The following PDSS2 variants were observed in gnomAD, a reference collection of about 807,000 sequenced individuals.
The protein encoded by PDSS2 is decaprenyl diphosphate synthase subunit 2.
In PDSS2, 31 loss-of-function variants were observed where a neutral mutation model predicts 44.5. The observed-to-expected ratio is 0.70, with a 90% CI of 0.52 to 0.94. PDSS2 has a LOEUF of 0.94. Among genes scored for constraint, PDSS2 ranks in the 40% least tolerant of loss-of-function variants. The pLI is 0.00. For missense variants in PDSS2, 452 were observed against 482.2 expected, an observed-to-expected ratio of 0.94 and a Z score of 0.59; for synonymous variants, 157 against 180.3, an observed-to-expected ratio of 0.87 and a Z score of 1.03.
intron 1 of PDSS2, among the ~76,000 whole-genome samples, chr6:107,403,951 G>A (rs1352513792): frequency 5.3e-5 from 8 of 152,188 alleles, no homozygotes; most frequent in Non-Finnish European, 8.8e-5. Flanking sequence ...CCAAATTTCT[G>A]CTATGGGCTT....
intron 2 of PDSS2, among the ~76,000 whole-genome samples, chr6:107,274,855 T>C (rs1357087423): frequency 6.6e-6 from 1 of 151,894 alleles, no homozygotes; most frequent in Non-Finnish European, 1.5e-5. Flanking sequence ...GTATTTTTGG[T>C]AGAGATGGGG....
chr6:107,190,774 G>T (rs1036311703), intron 7 of PDSS2, among the ~76,000 whole-genome samples: 1 of 152,180 alleles, frequency 6.6e-6, no homozygotes, highest in African/African-American at 2.4e-5. Context: ...ATGAAACTTG[G>T]TGCTGCTGCA....
In PDSS2 at chr6:107,271,931, G is replaced by A. The variant is rs546078889; in HGVS notation, c.630+2098C>T. The stretch of plus-strand genomic sequence containing the variant: ...TACAAAAAATTAGCCAGGTATGGCT[G>A]TATGCACCTGTGGTCCCAGCTACTT... On this transcript the variant is annotated intron_variant, in intron 3 of 7. Coordinates refer to ENST00000369037, the MANE Select transcript of PDSS2 (RefSeq NM_020381.4). Among the ~76,000 whole-genome samples the A allele has an allele frequency of 2.6e-5, 4 of 152,154 alleles. 1 individual carries two copies. The highest frequency in any genetic ancestry group is 9.6e-5 in the African/African-American group (4 of 41,526).
chr6:107,429,729 A>G (rs1158914925), intron 1 of PDSS2, among the ~76,000 whole-genome samples: 2 of 151,204 alleles, frequency 1.3e-5, no homozygotes, highest in African/African-American at 4.9e-5. Flanking sequence ...TACTAAAAAT[A>G]CAAAATTAGC....
intron 7 of PDSS2, among the ~76,000 whole-genome samples, chr6:107,185,319 G>C (rs942728998): frequency 6.6e-6 from 1 of 152,032 alleles, no homozygotes; most frequent in East Asian, 1.9e-4. Flanking sequence ...CAGAAGGCAG[G>C]CTCTACAATG....
At chr6:107,241,382 C>T (rs1582834138) in intron 4 of PDSS2, among the ~76,000 whole-genome samples, 1 of 113,764 alleles carries the variant, frequency 8.8e-6, no homozygotes, top group South Asian at 3.4e-4. Context: ...GAGCCTCGCT[C>T]TGTCCCCAGG....
At chr6:107,187,454 C>T (rs1482261191) in intron 7 of PDSS2, among the ~76,000 whole-genome samples, 3 of 152,036 alleles carry the variant, frequency 2.0e-5, no homozygotes, top group South Asian at 2.1e-4. Context: ...CACCTGAGGT[C>T]GGGAGTTTGA....
intron 7 of PDSS2, among the ~76,000 whole-genome samples, chr6:107,156,986 G>C (rs1770922960): frequency 6.6e-6 from 1 of 152,022 alleles, no homozygotes; most frequent in South Asian, 2.1e-4. Flanking sequence ...TTCCTAAAGA[G>C]TCTTCCCACC....
intron 1 of PDSS2, among the ~76,000 whole-genome samples, chr6:107,441,477 A>G (rs1056969273): frequency 2.2e-4 from 34 of 152,190 alleles, no homozygotes; most frequent in African/African-American, 7.0e-4. Flanking sequence ...TGCACTACAT[A>G]TAAGTGTGAT....
intron 1 of PDSS2, among the ~76,000 whole-genome samples, chr6:107,365,877 T>C (rs1202031809): frequency 6.6e-6 from 1 of 152,018 alleles, no homozygotes; most frequent in Non-Finnish European, 1.5e-5. Flanking sequence ...TACCTAACAA[T>C]AGAGACCCCA....
At chr6:107,196,100 A>C (rs543793669) in intron 6 of PDSS2, among the ~76,000 whole-genome samples, 21 of 152,364 alleles carry the variant, frequency 1.4e-4, no homozygotes, top group African/African-American at 4.3e-4. Context: ...GCATTGTACC[A>C]ACAGGAATAT....
intron 4 of PDSS2, among the ~76,000 whole-genome samples, chr6:107,225,447 G>A (rs560808440): frequency 2.0e-4 from 30 of 151,572 alleles, no homozygotes; most frequent in Non-Finnish European, 3.5e-4. Context: ...CACCATGCCT[G>A]GCCTTCTTCA....
At chr6:107,402,747 A>G (rs950218882) in intron 1 of PDSS2, among the ~76,000 whole-genome samples, 5 of 151,444 alleles carry the variant, frequency 3.3e-5, no homozygotes, top group African/African-American at 1.2e-4. Context: ...TTATAGAACT[A>G]TAAACTAGAA....
At chr6:107,394,802 GTTTT>G (rs904464420) in intron 1 of PDSS2, among the ~76,000 whole-genome samples, 6 of 152,092 alleles carry the variant, frequency 3.9e-5, no homozygotes, top group Non-Finnish European at 5.9e-5. Flanking sequence ...ATATTGCTGG[GTTTT>G]TTTGTTTTAA....
In PDSS2 at chr6:107,459,124, T is replaced by C. The variant is rs142424178; in HGVS notation, c.162A>G (p.Ser54=). The C allele has an allele frequency of 1.5e-5, 24 of 1,614,000 alleles. No homozygotes were observed. In the African/African-American group the frequency reaches 3.2e-4, roughly 22 times the overall value. ...KSPAHWNQVV[S]EAEKIVGYPT... ...GGTACCCCACGATCTTCTCCGCCTC[T>C]GACACTACCTGATTCCAGTGGGCCG... The change falls in exon 1 of 8, where the codon TCA becomes TCG. Residue 54 remains serine, a synonymous_variant. Transcript: ENST00000369037. This position sits in a 1 kb window ranked among gnomAD's most constrained non-coding sequence, Gnocchi z 4.3.
chr6:107,339,916 A>G (rs1258252322), intron 1 of PDSS2, among the ~76,000 whole-genome samples: 1 of 152,162 alleles, frequency 6.6e-6, no homozygotes, highest in Non-Finnish European at 1.5e-5. Context: ...ACATAATCAG[A>G]TATTTCAGAA....
At chr6:107,209,174 G>T (rs2883020) in intron 6 of PDSS2, among the ~76,000 whole-genome samples, 126,143 of 152,130 alleles carry the variant, frequency 0.83, 52,902 homozygotes, top group East Asian at 1. Context: ...CTCTATTTCC[G>T]CTAAGTTCCC....
chr6:107,392,369 C>T (rs529921737), intron 1 of PDSS2, among the ~76,000 whole-genome samples: 4 of 152,216 alleles, frequency 2.6e-5, no homozygotes, highest in South Asian at 2.1e-4. Context: ...CAGCAGTGAA[C>T]GGTAATGGCT....
intron 4 of PDSS2, among the ~76,000 whole-genome samples, chr6:107,216,427 T>C (rs6568476): frequency 0.77 from 117,306 of 151,956 alleles, 46,224 homozygotes; most frequent in East Asian, 0.99. Flanking sequence ...GAGCTGAGAT[T>C]GCGCCACTGC....
Sources: gnomAD v4.1 joint callset for allele counts (sites outside exome capture counted in the v4.1 genomes callset) on GRCh38, gnomAD v4.1.1 for gene constraint, Gnocchi (gnomAD v3.1) non-coding constraint, MANE v1.5 for transcripts, NCBI Gene and HGNC (gene_info 2026-07-23, HGNC 2026-07-21) for gene names.